Variants in USH2A observed in about 807,000 individuals in gnomAD.
USH2A encodes Usher syndrome 2A (autosomal recessive, mild).
Under a neutral mutation model 538.9 loss-of-function variants are expected in USH2A, and 443 were observed. The observed-to-expected ratio is 0.82, with a 90% CI of 0.76 to 0.89. The LOEUF (loss-of-function observed/expected upper bound fraction) is 0.89, where lower values mean the gene tolerates loss of function less well. Ranked by LOEUF, USH2A falls within the 40% of genes least tolerant of loss-of-function variation. USH2A has a pLI of 0.00. For missense variants in USH2A, 6,633 were observed against 6,324.8 expected (o/e 1.05, Z -1.65); for synonymous variants, 2,413 against 2,273.5 (o/e 1.06, Z -1.75).
At chr1:216,179,338 T>C (rs1008574228) in intron 20 of USH2A, among the ~76,000 whole-genome samples, 6 of 151,944 alleles carry the variant, frequency 3.9e-5, no homozygotes, top group Non-Finnish European at 8.8e-5. Flanking sequence ...TTCTAATCAA[T>C]AGGGAAATTC....
chr1:215,949,997 C>G (rs1488485180), intron 37 of USH2A, among the ~76,000 whole-genome samples: 1 of 152,030 alleles, frequency 6.6e-6, no homozygotes, highest in Non-Finnish European at 1.5e-5. Flanking sequence ...ATTAGAGCAA[C>G]CTACCATTTT....
chr1:216,250,414 T>C (rs2102550910), intron 12 of USH2A, among the ~76,000 whole-genome samples: 1 of 152,270 alleles, frequency 6.6e-6, no homozygotes, highest in South Asian at 2.1e-4. Flanking sequence ...TTATTTTGCA[T>C]TTCATAGGAA....
At chr1:216,234,916 T>C (rs1334122538) in intron 13 of USH2A, among the ~76,000 whole-genome samples, 1 of 152,032 alleles carries the variant, frequency 6.6e-6, no homozygotes, top group Non-Finnish European at 1.5e-5. Context: ...AGACTGAAAG[T>C]GAAGGTAGGG....
At chr1:215,993,366 A>G (rs1489636058) in intron 34 of USH2A, among the ~76,000 whole-genome samples, 199 bp from the exon 35 acceptor site, 1 of 152,208 alleles carries the variant, frequency 6.6e-6, no homozygotes, top group Non-Finnish European at 1.5e-5. Context: ...GCCATCCCCA[A>G]TAGTTAGAGA....
At chr1:216,356,913 G>A (rs138351358) in intron 4 of USH2A, among the ~76,000 whole-genome samples, 14 of 152,090 alleles carry the variant, frequency 9.2e-5, no homozygotes, top group Admixed American at 3.3e-4. Context: ...TTCCAACACC[G>A]GTATAATCGC....
At chr1:216,071,558 T>C (rs770416280) in intron 29 of USH2A, among the ~76,000 whole-genome samples, 1 of 152,162 alleles carries the variant, frequency 6.6e-6, no homozygotes, top group Non-Finnish European at 1.5e-5. Flanking sequence ...CTGCTCAGTG[T>C]TGTGGTCAGA....
chr1:215,722,285 CT>C (rs1189513005), intron 61 of USH2A, among the ~76,000 whole-genome samples: 1 of 151,962 alleles, frequency 6.6e-6, no homozygotes, highest in Non-Finnish European at 1.5e-5. Flanking sequence ...CAAAGGAGTC[CT>C]TTTAGAAAGC....
chr1:216,021,099 A>G (rs1475383642), intron 32 of USH2A, among the ~76,000 whole-genome samples: 1 of 152,158 alleles, frequency 6.6e-6, no homozygotes, highest in Non-Finnish European at 1.5e-5. Context: ...ACTGAGCTGA[A>G]CTATAGCATG....
chr1:215,871,278 ATTCAT>A (rs1403423822), intron 43 of USH2A, among the ~76,000 whole-genome samples: 1 of 152,214 alleles, frequency 6.6e-6, no homozygotes, highest in Non-Finnish European at 1.5e-5. Flanking sequence ...GTGGAACAAT[ATTCAT>A]TTCAAGGTTC....
At chr1:215,790,032 G>T (rs11120629) in intron 51 of USH2A, 27 bp downstream of exon 51, 11 of 1,600,314 alleles carry the variant, frequency 6.9e-6, no homozygotes, top group Non-Finnish European at 9.4e-6. Context: ...TCAAATCAGC[G>T]CCTCCGAGAG....
intron 3 of USH2A, among the ~76,000 whole-genome samples, chr1:216,368,736 A>G (rs1349346628): frequency 6.6e-6 from 1 of 152,206 alleles, no homozygotes; most frequent in Non-Finnish European, 1.5e-5. Context: ...TAATGCAGTC[A>G]AGAAGGATTA....
At chr1:216,407,689 C>G (rs189001110) in intron 3 of USH2A, among the ~76,000 whole-genome samples, 2 of 151,996 alleles carry the variant, frequency 1.3e-5, no homozygotes, top group Non-Finnish European at 2.9e-5. Flanking sequence ...GACGTTAGTG[C>G]GAATTGTTCA....
chr1:215,665,535 G>A (rs1403120272), intron 64 of USH2A, among the ~76,000 whole-genome samples: 1 of 152,184 alleles, frequency 6.6e-6, no homozygotes, highest in Non-Finnish European at 1.5e-5. Context: ...GTATGAATAT[G>A]AATGCACAAT....
intron 13 of USH2A, among the ~76,000 whole-genome samples, chr1:216,244,104 T>C (rs17650492): frequency 0.015 from 2,222 of 152,284 alleles, 17 homozygotes; most frequent in South Asian, 0.021. Context: ...TGATGGAGAA[T>C]TTTAGGCAGT....
chr1:216,331,265 C>T (rs190702695), intron 4 of USH2A, among the ~76,000 whole-genome samples: 1 of 152,034 alleles, frequency 6.6e-6, no homozygotes, highest in Non-Finnish European at 1.5e-5. Flanking sequence ...AACAGATATT[C>T]ATTGGGATAA....
chr1:215,956,171 T>C (rs1401041777), intron 37 of USH2A, among the ~76,000 whole-genome samples: 2 of 152,182 alleles, frequency 1.3e-5, no homozygotes, highest in East Asian at 3.9e-4. Flanking sequence ...GATTCTAATA[T>C]TACTATTTAT....
At position 216,223,734 on chromosome 1, in the gene USH2A, T is replaced by G. The variant is rs142312071; in HGVS notation, c.2994-6184A>C. Among the ~76,000 whole-genome samples, 63 of 152,178 alleles carry G rather than the reference T, an allele frequency of 4.1e-4. No individual in the cohort carries two copies. In the East Asian group the frequency reaches 9.3e-3, roughly 23 times the overall value. On this transcript the variant is annotated intron_variant, in intron 14 of 71. Transcript: ENST00000307340. ...AGAGTCACTGAGGAGAGGGAATCTA[T>G]GAGGCACACTCCCTAATTTTTCCAT...
chr1:215,718,334 G>C (rs559027518), intron 61 of USH2A, among the ~76,000 whole-genome samples: 3 of 152,254 alleles, frequency 2.0e-5, no homozygotes, highest in Admixed American at 6.5e-5. Flanking sequence ...TCCAACAGTG[G>C]TTTCAGTAAT....
chr1:215,862,081 G>A (rs1044765395), intron 44 of USH2A, among the ~76,000 whole-genome samples: 23 of 151,908 alleles, frequency 1.5e-4, no homozygotes, highest in South Asian at 2.1e-4. Context: ...CTCATTATCC[G>A]CCCACCTCGG....
Sources: allele counts gnomAD v4.1 joint callset (sites outside exome capture counted in the v4.1 genomes callset), GRCh38; gene constraint gnomAD v4.1.1; transcripts MANE v1.5; gene names NCBI Gene and HGNC (gene_info 2026-07-23, HGNC 2026-07-21).